Variants in KALRN observed in about 807,000 individuals in gnomAD.
The protein encoded by KALRN is kalirin RhoGEF kinase.
Under a neutral mutation model 353.7 loss-of-function variants are expected in KALRN, and 70 were observed. The observed-to-expected ratio is 0.20, with a 90% CI of 0.16 to 0.24. The LOEUF (loss-of-function observed/expected upper bound fraction) is 0.24, where lower values mean the gene tolerates loss of function less well. Ranked by LOEUF, KALRN falls within the 10% of genes least tolerant of loss-of-function variation. The pLI, the probability that KALRN is intolerant of heterozygous loss-of-function variation, is 1.00. For missense variants in KALRN, 2,791 were observed against 3,756.7 expected (o/e 0.74, Z 6.72); for synonymous variants, 1,391 against 1,434.8 (o/e 0.97, Z 0.69).
chr3:124,470,918 A>G (rs573395053), intron 25 of KALRN, among the ~76,000 whole-genome samples: 1 of 152,340 alleles, frequency 6.6e-6, no homozygotes, highest in South Asian at 2.1e-4. Flanking sequence ...AGCAAAAAAA[A>G]CCACCTTAGC....
At chr3:124,197,911 C>A (rs1375995031) in intron 1 of KALRN, among the ~76,000 whole-genome samples, 1 of 152,144 alleles carries the variant, frequency 6.6e-6, no homozygotes, top group African/African-American at 2.4e-5. Context: ...TGGTTTCCAC[C>A]AGAATGCTAC....
chr3:124,141,770 T>G (rs2066655082), intron 1 of KALRN, among the ~76,000 whole-genome samples: 1 of 152,224 alleles, frequency 6.6e-6, no homozygotes, highest in South Asian at 2.1e-4. Flanking sequence ...TCTGCCCTTG[T>G]TAATCCTGGC....
chr3:124,156,342 C>T (rs2068990982), intron 1 of KALRN, among the ~76,000 whole-genome samples: 1 of 152,202 alleles, frequency 6.6e-6, no homozygotes, highest in Admixed American at 6.5e-5. Context: ...TGAATACCTT[C>T]TGTATATTAG....
rs142206714 is a variant in KALRN, at chr3:124,424,894, G to A, written c.2709+1916G>A. Among the ~76,000 whole-genome samples the A allele has an allele frequency of 1.4e-4, 22 of 152,262 alleles. No individual in the cohort carries two copies. In the East Asian group the frequency reaches 3.3e-3, roughly 23 times the overall value. On this transcript the variant is annotated intron_variant, in intron 15 of 59. Coordinates refer to ENST00000682506, the MANE Select transcript of KALRN (RefSeq NM_001388419.1). ...TACCATGGGGTTAGTGCTCCCCAAG[G>A]CCTCTTGACTGGTCAGCTGAAACTT...
chr3:124,045,489 A>G (rs1472963536), intron 1 of KALRN, among the ~76,000 whole-genome samples: 1 of 152,206 alleles, frequency 6.6e-6, no homozygotes, highest in African/African-American at 2.4e-5. Context: ...AAAGATTGTA[A>G]CAGTACAGTT....
At chr3:124,484,178 A>G (rs565520494) in intron 28 of KALRN, among the ~76,000 whole-genome samples, 1 of 152,346 alleles carries the variant, frequency 6.6e-6, no homozygotes, top group East Asian at 1.9e-4. Flanking sequence ...TAAATCTGCC[A>G]TTCTAGTCAC....
intron 38 of KALRN, among the ~76,000 whole-genome samples, chr3:124,654,267 G>T (rs570409505): frequency 9.8e-5 from 15 of 152,352 alleles, no homozygotes; most frequent in Non-Finnish European, 1.6e-4. Flanking sequence ...AGAGGGAGCT[G>T]TTGGAAGTGC....
At chr3:124,145,677 T>C (rs184277429) in intron 1 of KALRN, among the ~76,000 whole-genome samples, 1 of 152,354 alleles carries the variant, frequency 6.6e-6, no homozygotes, top group Admixed American at 6.5e-5. Context: ...AGGCTAACAG[T>C]ATCCCCAGGA....
At chr3:124,678,775 C>G in intron 50 of KALRN, 1 of 157,750 alleles carries the variant, frequency 6.3e-6, no homozygotes, top group Non-Finnish European at 1.4e-5. Flanking sequence ...TTCTTTTCCC[C>G]AGAGTTCAGA....
chr3:124,635,431 T>C (rs764347955), intron 36 of KALRN, among the ~76,000 whole-genome samples: 2 of 152,194 alleles, frequency 1.3e-5, no homozygotes, highest in Non-Finnish European at 2.9e-5. Context: ...TAACCCAGAA[T>C]TCTGACTTAC....
In KALRN at chr3:124,474,736, A is replaced by G; in HGVS notation, c.4101+4A>G. On this transcript the variant is annotated splice_donor_region_variant and intron_variant, in intron 26 of 59. Coordinates refer to ENST00000682506, the MANE Select transcript of KALRN (RefSeq NM_001388419.1). ...GGGACACTGCTTTGTTACCTGGGTAACCAACCTGAAATCCTTCTCCCACTG... is the reference window on the plus strand; with the variant it reads ...GGGACACTGCTTTGTTACCTGGGTAGCCAACCTGAAATCCTTCTCCCACTG... 2 of 1,612,232 alleles carry G rather than the reference A, an allele frequency of 1.2e-6. No homozygotes were observed. Among genetic ancestry groups the G allele is most frequent in the Non-Finnish European group, 1.7e-6 (2 of 1,178,314 alleles).
intron 10 of KALRN, among the ~76,000 whole-genome samples, chr3:124,367,008 G>T (rs2084860172): frequency 7.0e-6 from 1 of 142,002 alleles, no homozygotes; most frequent in Admixed American, 6.8e-5. Flanking sequence ...CCGGGTTGGG[G>T]GGCTGACCGC....
At chr3:124,495,710 A>G (rs1483243252) in intron 32 of KALRN, among the ~76,000 whole-genome samples, 4 of 142,246 alleles carry the variant, frequency 2.8e-5, no homozygotes, top group Middle Eastern at 3.6e-3. Flanking sequence ...AGCCTGGGTG[A>G]CAGAATAAGA....
intron 59 of KALRN, among the ~76,000 whole-genome samples, chr3:124,718,493 A>G (rs1227032495): frequency 6.6e-6 from 1 of 152,180 alleles, no homozygotes; most frequent in Non-Finnish European, 1.5e-5. Flanking sequence ...ATTAATGAGA[A>G]TATGCCAGAG....
chr3:124,175,758 A>C (rs2072639546), intron 1 of KALRN, among the ~76,000 whole-genome samples: 1 of 152,224 alleles, frequency 6.6e-6, no homozygotes, highest in Non-Finnish European at 1.5e-5. Context: ...CCTGTTCTCC[A>C]GGCCCAGCAC....
At chr3:124,596,097 A>G in intron 34 of KALRN, among the ~76,000 whole-genome samples, 1 of 152,266 alleles carries the variant, frequency 6.6e-6, no homozygotes, top group African/African-American at 2.4e-5. Flanking sequence ...CAAACAGGTG[A>G]AATTAGTTTT....
intron 3 of KALRN, among the ~76,000 whole-genome samples, chr3:124,245,124 T>A (rs1579960832): frequency 1.3e-5 from 2 of 152,336 alleles, no homozygotes; most frequent in South Asian, 4.1e-4. Flanking sequence ...TACCTATTAA[T>A]CACCCTCTTT....
chr3:124,426,777 G>A (rs1026970430), intron 15 of KALRN, among the ~76,000 whole-genome samples: 1 of 152,150 alleles, frequency 6.6e-6, no homozygotes, highest in Non-Finnish European at 1.5e-5. Context: ...TGCTCTGATA[G>A]CTACCAGGAA....
chr3:124,199,490 G>A (rs1282219085), intron 1 of KALRN, among the ~76,000 whole-genome samples: 3 of 152,054 alleles, frequency 2.0e-5, no homozygotes, highest in Non-Finnish European at 4.4e-5. Context: ...ACTCTGGAGA[G>A]GGAAAAAAGA....
Sources: gnomAD v4.1 joint callset for allele counts (sites outside exome capture counted in the v4.1 genomes callset) on GRCh38, gnomAD v4.1.1 for gene constraint, MANE v1.5 for transcripts, NCBI Gene and HGNC (gene_info 2026-07-23, HGNC 2026-07-21) for gene names.